AUTS2: variants seen among roughly 807,000 people sequenced by gnomAD.
AUTS2 encodes activator of transcription and developmental regulator AUTS2.
Under a neutral mutation model 112.4 loss-of-function variants are expected in AUTS2, and 17 were observed. The ratio of observed to expected loss-of-function variants is 0.15; its 90% CI spans 0.10 to 0.23. The LOEUF (loss-of-function observed/expected upper bound fraction) is 0.23. AUTS2 is among the 10% of genes least tolerant of loss of function. The pLI is 1.00. For missense variants in AUTS2, 1,510 were observed against 1,701.6 expected (o/e 0.89, Z 1.98); for synonymous variants, 751 against 702.7 (o/e 1.07, Z -1.09).
chr7:70,730,131 C>G (rs1336974976), intron 6 of AUTS2, among the ~76,000 whole-genome samples: 1 of 152,110 alleles, frequency 6.6e-6, no homozygotes. Context: ...ATCCGCCTAC[C>G]TCGGCCTCCC....
chr7:70,715,463 G>C (rs947013961), intron 6 of AUTS2, among the ~76,000 whole-genome samples: 11 of 151,948 alleles, frequency 7.2e-5, no homozygotes, highest in Admixed American at 1.3e-4. Flanking sequence ...ACCTTCCCAA[G>C]GTTTGAACCT....
chr7:70,668,931 A>G (rs745622631), intron 5 of AUTS2, among the ~76,000 whole-genome samples: 1 of 152,160 alleles, frequency 6.6e-6, no homozygotes, highest in Admixed American at 6.5e-5. Context: ...TTCCCAAGAA[A>G]GTAATTTGGC....
chr7:70,468,627 A>AT (rs1797258602), intron 5 of AUTS2, among the ~76,000 whole-genome samples: 1 of 152,130 alleles, frequency 6.6e-6, no homozygotes, highest in Non-Finnish European at 1.5e-5. Flanking sequence ...ACATTGCGAA[A>AT]TTTTTAAAGA....
chr7:70,473,988 G>A lies in AUTS2; in HGVS notation c.690+38207G>A, dbSNP rs371866212. Among the ~76,000 whole-genome samples the A allele has an allele frequency of 3.9e-5, 6 of 152,234 alleles. No individual in the cohort carries two copies. The South Asian group carries it at 1.0e-3, about 26-fold the overall frequency. On this transcript the variant is annotated intron_variant, in intron 5 of 18. Transcript: ENST00000342771. ...GGCAGAGGAGAGAGACTTCCCATGT[G>A]TTAAAAATCTGCTAAACTTTGCAGC...
chr7:70,016,137 G>A (rs1215418259), intron 2 of AUTS2, among the ~76,000 whole-genome samples: 1 of 152,038 alleles, frequency 6.6e-6, no homozygotes, highest in Non-Finnish European at 1.5e-5. Flanking sequence ...CCTAAAAAGG[G>A]TCAATGATGA....
chr7:70,089,107 G>A (rs534289627), intron 2 of AUTS2, among the ~76,000 whole-genome samples: 1 of 152,212 alleles, frequency 6.6e-6, no homozygotes, highest in East Asian at 1.9e-4. Flanking sequence ...TGTCAATTAT[G>A]CATAATAGTA....
At chr7:69,687,983 C>T (rs1391203632) in intron 1 of AUTS2, among the ~76,000 whole-genome samples, 2 of 152,110 alleles carry the variant, frequency 1.3e-5, no homozygotes, top group Non-Finnish European at 2.9e-5. Context: ...CTGAGTTATG[C>T]GAGCAGTAAA....
Position 69,633,426 on chromosome 7 carries a change from A to G in AUTS2, c.309+33464A>G, listed in dbSNP as rs894966750. ...TGAACATGGGAGTGCAGATATCTTTATAAGGGGGAGATTTCATTTCTTTTG... is the reference window on the plus strand; with the variant it reads ...TGAACATGGGAGTGCAGATATCTTTGTAAGGGGGAGATTTCATTTCTTTTG... On this transcript the variant is annotated intron_variant, in intron 1 of 18. Transcript: ENST00000342771. Among the ~76,000 whole-genome samples, 7 of 152,156 alleles carry G rather than the reference A, an allele frequency of 4.6e-5. No individual in the cohort carries two copies. The East Asian group carries it at 9.6e-4, about 21-fold the overall frequency.
At chr7:70,131,180 G>A (rs751116711) in intron 3 of AUTS2, among the ~76,000 whole-genome samples, 7 of 152,062 alleles carry the variant, frequency 4.6e-5, no homozygotes, top group African/African-American at 7.2e-5. Context: ...GGCTTGGCAC[G>A]GCGCCTCATG....
intron 2 of AUTS2, among the ~76,000 whole-genome samples, chr7:70,050,571 A>T (rs1226154923): frequency 6.6e-6 from 1 of 151,896 alleles, no homozygotes; most frequent in Non-Finnish European, 1.5e-5. Flanking sequence ...TTTTATTAGG[A>T]TAAAGTCTTG....
At chr7:69,659,883 C>T (rs1022771665) in intron 1 of AUTS2, among the ~76,000 whole-genome samples, 4 of 152,130 alleles carry the variant, frequency 2.6e-5, no homozygotes, top group African/African-American at 9.7e-5. Context: ...TTATTTTGTA[C>T]ATCTGATTTG....
In AUTS2 at chr7:70,117,128, T is replaced by G. The variant is rs957371241; in HGVS notation, c.523-1004T>G. Among the ~76,000 whole-genome samples, 24 of 98,880 alleles carry G rather than the reference T, an allele frequency of 2.4e-4. 1 individual carries two copies. Among genetic ancestry groups the G allele is most frequent in the Non-Finnish European group, 3.4e-4 (15 of 43,536 alleles). The allele number at this position is 98,880 out of a possible 152,430, so 64.9% of individuals were successfully genotyped here. The stretch of plus-strand genomic sequence containing the variant: ...TGTTTTTTTTTTTTGTTTTTTTTTG[T>G]TTTTTTTTGTTTTTTTTTTTGGTGT... On this transcript the variant is annotated intron_variant, in intron 2 of 18. Transcript: ENST00000342771.
intron 2 of AUTS2, among the ~76,000 whole-genome samples, chr7:70,088,144 G>A (rs1180253753): frequency 2.0e-5 from 3 of 151,656 alleles, no homozygotes; most frequent in South Asian, 4.2e-4. Flanking sequence ...TTGTTTTTGA[G>A]ATGGAGTCTT....
At chr7:69,926,441 G>GTCTA (rs1232593486) in intron 2 of AUTS2, among the ~76,000 whole-genome samples, 1,579 of 140,190 alleles carry the variant, frequency 0.011, 10 homozygotes, top group African/African-American at 0.016. Flanking sequence ...CTGTCTGTCT[G>GTCTA]TCTGTCTATC....
At chr7:70,734,035 C>G (rs957096836) in intron 6 of AUTS2, among the ~76,000 whole-genome samples, 1 of 151,992 alleles carries the variant, frequency 6.6e-6, no homozygotes, top group Non-Finnish European at 1.5e-5. Context: ...CCCTTTGAAC[C>G]CCGGCAACAT....
intron 5 of AUTS2, among the ~76,000 whole-genome samples, chr7:70,652,349 A>AT (rs34864188): frequency 0.37 from 56,013 of 150,616 alleles, 10,778 homozygotes; most frequent in Non-Finnish European, 0.44. Flanking sequence ...TACTTCTGCC[A>AT]TTTTTTTTTT....
At chr7:69,949,865 C>T (rs1796958107) in intron 2 of AUTS2, among the ~76,000 whole-genome samples, 1 of 152,100 alleles carries the variant, frequency 6.6e-6, no homozygotes, top group Non-Finnish European at 1.5e-5. Flanking sequence ...TTCCTTTGTG[C>T]TTGGTGCATA....
At chr7:70,343,306 G>T (rs1288769321) in intron 4 of AUTS2, among the ~76,000 whole-genome samples, 1 of 152,182 alleles carries the variant, frequency 6.6e-6, no homozygotes, top group African/African-American at 2.4e-5. Flanking sequence ...TACTCGCATG[G>T]TTAGAAGGCT....
At chr7:70,006,955 A>G (rs1278836262) in intron 2 of AUTS2, among the ~76,000 whole-genome samples, 1 of 152,154 alleles carries the variant, frequency 6.6e-6, no homozygotes, top group African/African-American at 2.4e-5. Context: ...TGAATCCAGG[A>G]TGGGAGTTGC....
Sources: gnomAD v4.1 joint callset for allele counts (sites outside exome capture counted in the v4.1 genomes callset) on GRCh38, gnomAD v4.1.1 for gene constraint, MANE v1.5 for transcripts, NCBI Gene and HGNC (gene_info 2026-07-23, HGNC 2026-07-21) for gene names.